The following TIAM2 variants were observed in gnomAD, a reference collection of about 807,000 sequenced individuals.
TIAM2 encodes TIAM Rac1 associated GEF 2.
Under a neutral mutation model 152.9 loss-of-function variants are expected in TIAM2, and 80 were observed. The ratio of observed to expected loss-of-function variants is 0.52; its 90% CI spans 0.44 to 0.63. The LOEUF is 0.63. Among genes scored for constraint, TIAM2 ranks in the 30% least tolerant of loss-of-function variants. The pLI is 0.00. For missense variants in TIAM2, 1,965 were observed against 2,120.1 expected, an observed-to-expected ratio of 0.93 and a Z score of 1.44; for synonymous variants, 804 against 838.0, an observed-to-expected ratio of 0.96 and a Z score of 0.70.
chr6:155,220,586 C>T (rs1402680106), intron 15 of TIAM2, among the ~76,000 whole-genome samples: 1 of 135,718 alleles, frequency 7.4e-6, no homozygotes, highest in Non-Finnish European at 1.7e-5. Context: ...CTTCCCCTTT[C>T]CTTTCTGTCT....
intron 14 of TIAM2, among the ~76,000 whole-genome samples, chr6:155,203,423 CTG>C (rs1781525010): frequency 1.3e-5 from 2 of 152,010 alleles, no homozygotes; most frequent in South Asian, 4.1e-4. Context: ...TTCTGAGAAA[CTG>C]AATAGGGAAA....
chr6:155,048,072 CCTCGCAAGTAGCTGGGA>C (rs1468217678), intron 1 of TIAM2, among the ~76,000 whole-genome samples: 1 of 152,112 alleles, frequency 6.6e-6, no homozygotes, highest in Non-Finnish European at 1.5e-5. Flanking sequence ...CCTGCCTCAG[CCTCGCAAGTAGCTGGGA>C]CTACAGGCAT....
chr6:155,197,488 G>T (rs111476746), intron 14 of TIAM2, among the ~76,000 whole-genome samples: 2 of 152,248 alleles, frequency 1.3e-5, no homozygotes, highest in Admixed American at 1.3e-4. Flanking sequence ...GCCAGTCACC[G>T]CATGTGTCCA....
rs192171401 is a variant in TIAM2, at chr6:155,127,600, G to C, written c.-7G>C. 1 of 456,012 alleles carries C rather than the reference G, an allele frequency of 2.2e-6. No individual in the cohort carries two copies. The highest frequency in any genetic ancestry group is 4.4e-6 in the Non-Finnish European group (1 of 226,792). The allele number at this position is 456,012 out of a possible 1,614,324, so 28.2% of individuals were successfully genotyped here. ...CCCTCACAGCAGAAACTAGACGTCA[G>C]GTAAACCCAACCCTTGTGCCTGGGG... On this transcript the variant is annotated splice_region_variant and 5_prime_UTR_variant, in exon 3 of 27. Transcript: ENST00000682666.
At chr6:155,001,364 C>G (rs1382996122) in intron 1 of TIAM2, among the ~76,000 whole-genome samples, 2 of 152,184 alleles carry the variant, frequency 1.3e-5, no homozygotes. Flanking sequence ...ACTCTTCTAT[C>G]CTGACCCAAT....
At chr6:155,001,294 T>C (rs1022420922) in intron 1 of TIAM2, among the ~76,000 whole-genome samples, 1 of 152,156 alleles carries the variant, frequency 6.6e-6, no homozygotes, top group African/African-American at 2.4e-5. Context: ...CAAGTTCACG[T>C]AGTTTGAAAT....
intron 1 of TIAM2, among the ~76,000 whole-genome samples, chr6:155,017,607 T>A (rs977030772): frequency 6.7e-6 from 1 of 150,244 alleles, no homozygotes; most frequent in African/African-American, 2.5e-5. Context: ...GGGTTCAAGC[T>A]ATACTCCTGC....
intron 5 of TIAM2, among the ~76,000 whole-genome samples, chr6:155,140,743 A>ACAG (rs1283968188): frequency 6.6e-6 from 1 of 152,162 alleles, no homozygotes; most frequent in Non-Finnish European, 1.5e-5. Flanking sequence ...GTGAGAGTGA[A>ACAG]CAGCAGTGTG....
chr6:155,193,066 T>C (rs181560206), intron 14 of TIAM2, among the ~76,000 whole-genome samples: 100 of 152,334 alleles, frequency 6.6e-4, no homozygotes, highest in Non-Finnish European at 1.3e-3. Flanking sequence ...AATCACTAAG[T>C]TATGTAGATC....
chr6:155,131,153 A>T (rs757024230), intron 4 of TIAM2, among the ~76,000 whole-genome samples: 1 of 152,174 alleles, frequency 6.6e-6, no homozygotes, highest in Non-Finnish European at 1.5e-5. Flanking sequence ...TGAGGCCAGG[A>T]GTTTGAGACC....
At chr6:155,146,370 G>A (rs1389170898) in intron 6 of TIAM2, among the ~76,000 whole-genome samples, 1 of 152,140 alleles carries the variant, frequency 6.6e-6, no homozygotes, top group African/African-American at 2.4e-5. Context: ...GACAGAGTGA[G>A]ACCCTGTCTT....
At position 155,055,652 on chromosome 6, in the gene TIAM2, G is replaced by A. The variant is rs547083578; in HGVS notation, c.-208-34637G>A. Among the ~76,000 whole-genome samples, 8 of 152,226 alleles carry A rather than the reference G, an allele frequency of 5.3e-5. No individual in the cohort carries two copies. In the East Asian group the frequency reaches 1.5e-3, roughly 29 times the overall value. On this transcript the variant is annotated intron_variant, in intron 1 of 26. Transcript: ENST00000682666. The stretch of plus-strand genomic sequence containing the variant: ...AATGAATGAAGGTATTAGAGAGAAA[G>A]AAGTGTTTGATAACAAGTTGAGCAT...
chr6:155,256,934 A>C lies in TIAM2; in HGVS notation c.4919A>C (p.Asn1640Thr). 1 of 1,614,200 alleles carries C rather than the reference A, an allele frequency of 6.2e-7. No individual in the cohort carries two copies. Among genetic ancestry groups the C allele is most frequent in the Non-Finnish European group, 8.5e-7 (1 of 1,180,044 alleles). The change falls in exon 27 of 27, where the codon AAC becomes ACC. Residue 1640 changes from asparagine to threonine, a missense_variant. Physicochemically the swap from Asn to Thr is moderately conservative, Grantham distance 65. This residue lies in a region of TIAM2 where 935 missense variants were observed against 980.0 expected (regional missense o/e 0.95). Coordinates refer to ENST00000682666, the MANE Select transcript of TIAM2 (RefSeq NM_012454.4). ...GHFCPIKRKA[N>T]STKRDRGTLL... Reference sequence around the variant, plus strand: ...TTCTGCCCCATTAAACGAAAAGCCAACAGCACCAAGAGGGACAGAGGAACT... The same window carrying C: ...TTCTGCCCCATTAAACGAAAAGCCACCAGCACCAAGAGGGACAGAGGAACT...
rs1472021389 is a variant in TIAM2 at position 155,248,002 on chromosome 6, A to G, written c.3655A>G (p.Lys1219Glu). Residue 1219 changes from lysine (K) to glutamate (E), a missense_variant and splice_region_variant, in exon 20 of 27, where the codon AAA becomes GAA. Around this residue, in one of 3 missense-constraint regions of TIAM2, gnomAD observed 935 missense variants for 980.0 expected, o/e 0.95. Transcript: ENST00000682666. ...IKVQKVLERA[K>E]TDKAFKAFLD... is the part of the protein sequence containing the mutation. ...GTCTTTTATCCATCTGCTTGTAGCT[A>G]AAACTGACAAAGCCTTCAAGGCTTT... is the stretch of plus-strand genomic sequence containing the variant. 3 of 1,613,906 alleles carry G rather than the reference A, an allele frequency of 1.9e-6. No individual in the cohort carries two copies. Among genetic ancestry groups the G allele is most frequent in the Non-Finnish European group, 1.7e-6 (2 of 1,179,834 alleles).
At chr6:155,254,275 G>A (rs1184283133) in intron 25 of TIAM2, 144 bp from the exon 26 acceptor site, 17 of 1,104,380 alleles carry the variant, frequency 1.5e-5, no homozygotes, top group East Asian at 7.5e-5. Flanking sequence ...CCTTCTGTAC[G>A]GGAGGCCACA....
At chr6:155,089,743 T>C (rs1778257654) in intron 1 of TIAM2, among the ~76,000 whole-genome samples, 1 of 152,246 alleles carries the variant, frequency 6.6e-6, no homozygotes, top group Non-Finnish European at 1.5e-5. Context: ...CTCATTACCC[T>C]ATTGACTCTG....
intron 15 of TIAM2, among the ~76,000 whole-genome samples, chr6:155,220,201 C>G (rs1239793938): frequency 6.6e-6 from 1 of 152,208 alleles, no homozygotes; most frequent in Non-Finnish European, 1.5e-5. Context: ...AGGAAGTTGC[C>G]TGATGAGTCC....
chr6:155,164,743 G>A (rs957533029), intron 8 of TIAM2, 143 bp downstream of exon 8: 1 of 1,005,092 alleles, frequency 9.9e-7, no homozygotes, highest in Non-Finnish European at 1.5e-6. Flanking sequence ...GAGGCCAGGG[G>A]CCTGGAGATG....
At chr6:155,219,617 A>AT (rs369683023) in intron 15 of TIAM2, among the ~76,000 whole-genome samples, 9 of 152,074 alleles carry the variant, frequency 5.9e-5, no homozygotes, top group South Asian at 2.1e-4. Context: ...AGTGAGTTGG[A>AT]TTTTTTTTTA....
Sources: gnomAD v4.1 joint callset for allele counts (sites outside exome capture counted in the v4.1 genomes callset) on GRCh38, gnomAD v4.1.1 for gene constraint, gnomAD v4.1.1 regional missense constraint, MANE v1.5 for transcripts, NCBI Gene and HGNC (gene_info 2026-07-23, HGNC 2026-07-21) for gene names.